Variants in DCC observed in about 807,000 individuals in gnomAD.
DCC encodes the protein netrin receptor DCC.
Under a neutral mutation model 172.5 loss-of-function variants are expected in DCC, and 58 were observed. The observed-to-expected ratio is 0.34, with a 90% CI of 0.27 to 0.42. The LOEUF (loss-of-function observed/expected upper bound fraction) is 0.42. Ranked by LOEUF, DCC falls within the 10% of genes least tolerant of loss-of-function variation. The pLI is 1.00. For missense variants in DCC, 1,740 were observed against 1,791.0 expected (o/e 0.97, Z 0.51); for synonymous variants, 709 against 644.5 (o/e 1.10, Z -1.52).
At chr18:53,065,963 A>T (rs2042559848) in intron 6 of DCC, 83 bp from the exon 7 acceptor site, 1 of 1,536,986 alleles carries the variant, frequency 6.5e-7, no homozygotes, top group South Asian at 1.1e-5. Context: ...TGTTTTATCA[A>T]ACTTTGGTCT....
At chr18:53,061,761 C>T (rs1436552152) in intron 5 of DCC, among the ~76,000 whole-genome samples, 1 of 152,078 alleles carries the variant, frequency 6.6e-6, no homozygotes, top group Non-Finnish European at 1.5e-5. Context: ...TATTTAAACA[C>T]CTTGTACTTC....
At chr18:52,973,735 A>G (rs2041067331) in intron 5 of DCC, among the ~76,000 whole-genome samples, 1 of 152,190 alleles carries the variant, frequency 6.6e-6, no homozygotes, top group South Asian at 2.1e-4. Flanking sequence ...AGAGGCCTAG[A>G]GTATGTAGGA....
At chr18:52,717,207 G>T (rs531485226) in intron 1 of DCC, among the ~76,000 whole-genome samples, 1 of 152,234 alleles carries the variant, frequency 6.6e-6, no homozygotes, top group African/African-American at 2.4e-5. Context: ...TTGGTGCAGA[G>T]GGGAATGTGA....
At chr18:52,891,289 C>A (rs1358900038) in intron 2 of DCC, among the ~76,000 whole-genome samples, 1 of 151,956 alleles carries the variant, frequency 6.6e-6, no homozygotes, top group Non-Finnish European at 1.5e-5. Context: ...TCCCTTAGGG[C>A]AATGATGGGG....
intron 5 of DCC, among the ~76,000 whole-genome samples, chr18:53,007,750 C>T (rs2041667010): frequency 6.6e-6 from 1 of 152,014 alleles, no homozygotes; most frequent in Non-Finnish European, 1.5e-5. Context: ...AGCTCAGAGG[C>T]TTAAGGACCA....
At chr18:53,168,064 A>G (rs543612941) in intron 8 of DCC, among the ~76,000 whole-genome samples, 35 of 152,318 alleles carry the variant, frequency 2.3e-4, no homozygotes, top group African/African-American at 3.4e-4. Context: ...TCAGGAAACA[A>G]CAGATATTGG....
chr18:53,113,222 G>A (rs2043360192), intron 7 of DCC, among the ~76,000 whole-genome samples: 1 of 151,438 alleles, frequency 6.6e-6, no homozygotes, highest in Non-Finnish European at 1.5e-5. Flanking sequence ...ATATTTATAT[G>A]GGATGAAAAT....
chr18:53,258,127 G>T (rs999436463), intron 12 of DCC, among the ~76,000 whole-genome samples: 2 of 151,886 alleles, frequency 1.3e-5, no homozygotes, highest in Non-Finnish European at 2.9e-5. Flanking sequence ...TCTTGTTAGC[G>T]GTCTGTCAAT....
intron 25 of DCC, among the ~76,000 whole-genome samples, chr18:53,481,635 T>TTA (rs2045833085): frequency 6.6e-6 from 1 of 152,204 alleles, no homozygotes; most frequent in African/African-American, 2.4e-5. Context: ...CGACATACCA[T>TTA]TATCTTTGTC....
intron 5 of DCC, among the ~76,000 whole-genome samples, chr18:53,014,249 T>A (rs2041773182): frequency 1.3e-5 from 2 of 152,154 alleles, no homozygotes; most frequent in South Asian, 4.1e-4. Flanking sequence ...AAGCATATAT[T>A]TGAAGTTAAA....
chr18:52,980,327 G>T (rs1346734358), intron 5 of DCC, among the ~76,000 whole-genome samples: 2 of 151,860 alleles, frequency 1.3e-5, no homozygotes, highest in Non-Finnish European at 2.9e-5. Context: ...TTTTAAAGAG[G>T]GCTTATTTTA....
intron 1 of DCC, among the ~76,000 whole-genome samples, chr18:52,467,079 G>A (rs928470305): frequency 2.0e-5 from 3 of 151,522 alleles, no homozygotes; most frequent in African/African-American, 4.9e-5. Context: ...TTAAGTTCTG[G>A]GATACATGTG....
intron 2 of DCC, among the ~76,000 whole-genome samples, chr18:52,823,212 T>C (rs2038441633): frequency 6.6e-6 from 1 of 152,104 alleles, no homozygotes. Flanking sequence ...CTCACACCTA[T>C]AAACCCAGTA....
chr18:52,389,522 C>A (rs1193062667), intron 1 of DCC, among the ~76,000 whole-genome samples: 1 of 151,994 alleles, frequency 6.6e-6, no homozygotes, highest in African/African-American at 2.4e-5. Context: ...TCTGACCCAA[C>A]CTGTCAATAG....
intron 1 of DCC, among the ~76,000 whole-genome samples, chr18:52,564,119 T>C (rs2144745433): frequency 6.6e-6 from 1 of 152,282 alleles, no homozygotes; most frequent in African/African-American, 2.4e-5. Flanking sequence ...TGCTTACTAA[T>C]AGTATAGATT....
At chr18:53,147,619 G>A (rs1180940749) in intron 7 of DCC, among the ~76,000 whole-genome samples, 1 of 152,094 alleles carries the variant, frequency 6.6e-6, no homozygotes, top group Non-Finnish European at 1.5e-5. Context: ...AAACCTCACT[G>A]CCATACACAG....
rs145060265 is a variant in DCC at position 53,060,989 on chromosome 18, A to T, written c.986-2316A>T. 5.8e-3 allele frequency among the ~76,000 whole-genome samples: 885 copies of T among 152,270 alleles called. 6 individuals are homozygous for T. The highest frequency in any genetic ancestry group is 0.02 in the African/African-American group (830 of 41,574). ...ACATACACATAAACAGACATACCAC[A>T]TTTATGTATTTTAGTATAGTTACAT... On this transcript the variant is annotated intron_variant, in intron 5 of 28. Coordinates refer to ENST00000442544, the MANE Select transcript of DCC (RefSeq NM_005215.4).
chr18:52,443,137 A>C (rs1182404479), intron 1 of DCC, among the ~76,000 whole-genome samples: 1 of 152,210 alleles, frequency 6.6e-6, no homozygotes, highest in Non-Finnish European at 1.5e-5. Context: ...AATTCAGCCA[A>C]CACCACTGGT....
chr18:53,099,947 T>C (rs1359028236), intron 7 of DCC, among the ~76,000 whole-genome samples: 9 of 121,996 alleles, frequency 7.4e-5, no homozygotes, highest in African/African-American at 3.6e-4. Flanking sequence ...TTCTTTCTTT[T>C]TTTTTTTTTT....
Sources: gnomAD v4.1 joint callset for allele counts (sites outside exome capture counted in the v4.1 genomes callset) on GRCh38, gnomAD v4.1.1 for gene constraint, MANE v1.5 for transcripts, NCBI Gene and HGNC (gene_info 2026-07-23, HGNC 2026-07-21) for gene names.